Variants in EFCAB5 observed in about 807,000 individuals in gnomAD.
The protein encoded by EFCAB5 is EF-hand calcium-binding domain-containing protein 5.
Under a neutral mutation model 167.9 loss-of-function variants are expected in EFCAB5, and 131 were observed. That is an observed-to-expected ratio of 0.78 (90% CI 0.68 to 0.90). The LOEUF (loss-of-function observed/expected upper bound fraction) is 0.90. EFCAB5 is among the 40% of genes least tolerant of loss of function. The pLI is 0.00. For missense variants in EFCAB5, 1,663 were observed against 1,745.2 expected (o/e 0.95, Z 0.84); for synonymous variants, 574 against 602.8 (o/e 0.95, Z 0.70).
intron 4 of EFCAB5, among the ~76,000 whole-genome samples, chr17:29,970,669 TACACAC>T (rs1220247152): frequency 3.4e-5 from 2 of 58,694 alleles, no homozygotes; most frequent in African/African-American, 8.2e-5. Context: ...CACACACACA[TACACAC>T]ACACACACAC....
intron 1 of EFCAB5, among the ~76,000 whole-genome samples, chr17:29,933,721 G>A (rs746211936): frequency 6.6e-6 from 1 of 152,230 alleles, no homozygotes; most frequent in Non-Finnish European, 1.5e-5. Flanking sequence ...GAGGTTAGCT[G>A]GTTCTCAAGC....
chr17:29,952,988 T>C (rs1322428592), intron 3 of EFCAB5, among the ~76,000 whole-genome samples: 1 of 152,172 alleles, frequency 6.6e-6, no homozygotes, highest in East Asian at 1.9e-4. Context: ...GAAGCACATC[T>C]TAATAACTAC....
Position 30,054,135 on chromosome 17 carries a change from A to G in EFCAB5, c.2181A>G (p.Lys727=). ...AGGAAGTTCCAACCTTAAGCAGAAA[A>G]GATCACTTTCCAGGTAGTAATGCAG... is the stretch of plus-strand genomic sequence containing the variant. ...LQEEVPTLSR[K]DHFPETTKKE... The change falls in exon 10 of 23, where the codon AAA becomes AAG. Residue 727 remains lysine, a synonymous_variant. Transcript: ENST00000394835. 6.4e-7 allele frequency: 1 copy of G among 1,550,798 alleles called. No individual in the cohort carries two copies. The highest frequency in any genetic ancestry group is 8.7e-7 in the Non-Finnish European group (1 of 1,150,154).
At chr17:30,002,493 T>G (rs2068682925) in intron 7 of EFCAB5, among the ~76,000 whole-genome samples, 1 of 152,228 alleles carries the variant, frequency 6.6e-6, no homozygotes, top group African/African-American at 2.4e-5. Context: ...TACCTTCCTT[T>G]AAGTCATTTT....
At chr17:30,096,686 T>A (rs1233484493) in intron 22 of EFCAB5, among the ~76,000 whole-genome samples, 38 of 134,838 alleles carry the variant, frequency 2.8e-4, no homozygotes, top group East Asian at 8.3e-4. Context: ...TATTTTTTTT[T>A]TTTTTTTTTT....
chr17:29,984,929 A>G (rs895748916), intron 4 of EFCAB5, among the ~76,000 whole-genome samples: 1 of 152,144 alleles, frequency 6.6e-6, no homozygotes, highest in African/African-American at 2.4e-5. Flanking sequence ...GGTTCATCAG[A>G]TGTATCCAAT....
intron 22 of EFCAB5, among the ~76,000 whole-genome samples, chr17:30,097,060 ATTTTT>A (rs199614574): frequency 4.4e-4 from 29 of 65,610 alleles, no homozygotes; most frequent in African/African-American, 1.9e-3. Flanking sequence ...ATATATATAT[ATTTTT>A]TTTTTTTTGA....
At chr17:30,092,966 C>A in intron 22 of EFCAB5, 30 bp downstream of exon 22, 1 of 1,514,398 alleles carries the variant, frequency 6.6e-7, no homozygotes, top group South Asian at 1.2e-5. Flanking sequence ...CAGCCTAAAT[C>A]TATGCCAACA....
intron 3 of EFCAB5, among the ~76,000 whole-genome samples, chr17:29,954,837 C>G (rs1183874472): frequency 6.6e-6 from 1 of 152,236 alleles, no homozygotes; most frequent in Non-Finnish European, 1.5e-5. Flanking sequence ...TGCAAAGCCA[C>G]AGGGGCAGAG....
chr17:30,060,373 G>A (rs2070394464), intron 14 of EFCAB5, among the ~76,000 whole-genome samples: 1 of 151,834 alleles, frequency 6.6e-6, no homozygotes. Context: ...GTGACTTTTT[G>A]TGTATTATAT....
intron 3 of EFCAB5, among the ~76,000 whole-genome samples, chr17:29,967,858 T>C (rs2067863793): frequency 6.6e-6 from 1 of 151,652 alleles, no homozygotes. Flanking sequence ...TGTGGTAGAC[T>C]CTTTGCTTAC....
At chr17:29,966,303 A>G (rs1246782298) in intron 3 of EFCAB5, among the ~76,000 whole-genome samples, 2 of 152,116 alleles carry the variant, frequency 1.3e-5, no homozygotes, top group Non-Finnish European at 2.9e-5. Context: ...CACTTGGCTT[A>G]CACCTTCTGA....
intron 4 of EFCAB5, among the ~76,000 whole-genome samples, chr17:29,979,059 T>C (rs2151602759): frequency 6.6e-6 from 1 of 152,176 alleles, no homozygotes; most frequent in East Asian, 1.9e-4. Context: ...CATTTAGAAA[T>C]AGGAAATCCT....
intron 3 of EFCAB5, among the ~76,000 whole-genome samples, chr17:29,962,419 G>A (rs2151561890): frequency 6.6e-6 from 1 of 151,904 alleles, no homozygotes; most frequent in Non-Finnish European, 1.5e-5. Context: ...TTATTCCTAA[G>A]TATTCTATTC....
chr17:29,947,245 T>C (rs1208115795), intron 3 of EFCAB5, among the ~76,000 whole-genome samples: 1 of 151,336 alleles, frequency 6.6e-6, no homozygotes, highest in Non-Finnish European at 1.5e-5. Flanking sequence ...TAAAAAAGAA[T>C]GAAATGATAT....
intron 22 of EFCAB5, among the ~76,000 whole-genome samples, chr17:30,100,981 C>T (rs141769684): frequency 3.8e-4 from 58 of 152,268 alleles, no homozygotes; most frequent in African/African-American, 1.3e-3. Context: ...GTGTCAGCAG[C>T]AGGGTCAGAG....
rs200424980 is a variant in EFCAB5 at position 30,096,652 on chromosome 17, CATATATAT to C, written c.4321+3735_4321+3742del. Among the ~76,000 whole-genome samples, 69 of 93,558 alleles carry C rather than the reference CATATATAT, an allele frequency of 7.4e-4. 2 individuals carry two copies. The highest frequency in any genetic ancestry group is 2.8e-3 in the African/African-American group (62 of 21,908). The allele number at this position is 93,558 out of a possible 152,430, so 61.4% of individuals were successfully genotyped here. The stretch of plus-strand genomic sequence containing the variant: ...TTAAAACTGTCTTTTATCCTGAAAG[CATATATAT>C]ATATATATATATATATATTTTTTTT... On this transcript the variant is annotated intron_variant, in intron 22 of 22. Transcript: ENST00000394835.
In EFCAB5 at chr17:30,082,963, A is replaced by G. The variant is rs1199977807; in HGVS notation, c.3499A>G (p.Thr1167Ala). 2.5e-6 allele frequency: 4 copies of G among 1,613,892 alleles called. No homozygotes were observed. Among genetic ancestry groups the G allele is most frequent in the South Asian group, 2.2e-5 (2 of 91,086 alleles). The change falls in exon 18 of 23, where the codon ACT becomes GCT. Residue 1167 changes from threonine (T) to alanine (A), a missense_variant. Thr to Ala is a moderately conservative substitution (Grantham distance 58, BLOSUM62 0). Transcript: ENST00000394835. ...SREHILHIVI[T>A]GIGWLYDVTS... ...GGAGCACATTCTGCATATTGTGATC[A>G]CTGGCATAGGCTGGCTTTATGACGT...
intron 7 of EFCAB5, among the ~76,000 whole-genome samples, chr17:30,008,289 A>T (rs1449818182): frequency 6.6e-6 from 1 of 152,056 alleles, no homozygotes; most frequent in Non-Finnish European, 1.5e-5. Context: ...ATATTTGTAA[A>T]TGTGAAAATT....
Sources: allele counts gnomAD v4.1 joint callset (sites outside exome capture counted in the v4.1 genomes callset), GRCh38; gene constraint gnomAD v4.1.1; transcripts MANE v1.5; gene names NCBI Gene and HGNC (gene_info 2026-07-23, HGNC 2026-07-21).